Variants in LOC112694756 observed in about 807,000 individuals in gnomAD.
chr16:30,065,746 GCCGCCTTCCGCCTGCCCGCCTCCT>G, the LOC112694756 span: 4 of 152,552 alleles, frequency 2.6e-5, no homozygotes, highest in Non-Finnish European at 5.9e-5. Flanking sequence ...AAGGCCGGGC[GCCGCCTTCCGCCTGCCCGCCTCCT>G]GCGCCGCCCC....
the LOC112694756 span, among the ~76,000 whole-genome samples, chr16:30,060,633 T>G: frequency 1.3e-5 from 2 of 152,110 alleles, no homozygotes; most frequent in Non-Finnish European, 2.9e-5. Flanking sequence ...TTTAATACCC[T>G]CTTTTCTGAG....
the LOC112694756 span, among the ~76,000 whole-genome samples, chr16:30,060,013 C>G: frequency 6.6e-6 from 1 of 151,926 alleles, no homozygotes; most frequent in African/African-American, 2.4e-5. Context: ...GAGTCTCACT[C>G]TGTTGCCCAG....
At chr16:30,056,910 C>G in the LOC112694756 span, among the ~76,000 whole-genome samples, 1 of 150,300 alleles carries the variant, frequency 6.7e-6, no homozygotes, top group Non-Finnish European at 1.5e-5. Context: ...CTCTACTTGC[C>G]CTTTTTTTTT....
chr16:30,064,232 C>CT, the LOC112694756 span: 1 of 395,088 alleles, frequency 2.5e-6, no homozygotes, highest in African/African-American at 2.1e-5. Flanking sequence ...TCCACGGACT[C>CT]TCCGTTATTT....
chr16:30,056,097 C>G, the LOC112694756 span, among the ~76,000 whole-genome samples: 1 of 148,014 alleles, frequency 6.8e-6, no homozygotes, highest in South Asian at 2.1e-4. Context: ...CACCATGGCC[C>G]AGCCATGGTT....
chr16:30,067,804 A>T, the LOC112694756 span: 1 of 895,182 alleles, frequency 1.1e-6, no homozygotes, highest in Non-Finnish European at 1.8e-6. Context: ...TTTACTCGAC[A>T]TTTTTAATCC....
chr16:30,062,307 GT>G, the LOC112694756 span, among the ~76,000 whole-genome samples: 4 of 152,122 alleles, frequency 2.6e-5, no homozygotes, highest in African/African-American at 4.8e-5. Context: ...ACCAAGGTGG[GT>G]TTAGCCCAGG....
At chr16:30,058,134 C>T in the LOC112694756 span, among the ~76,000 whole-genome samples, 1 of 152,134 alleles carries the variant, frequency 6.6e-6, no homozygotes, top group African/African-American at 2.4e-5. Context: ...CCACCTTCCC[C>T]ACAGAGGGCT....
the LOC112694756 span, among the ~76,000 whole-genome samples, chr16:30,059,445 G>C: frequency 3.9e-4 from 59 of 151,950 alleles, no homozygotes; most frequent in African/African-American, 1.4e-3. Context: ...CTTGCAGTGA[G>C]CCGAGATCGT....
At chr16:30,069,380 G>T in the LOC112694756 span, 1 of 1,614,166 alleles carries the variant, frequency 6.2e-7, no homozygotes, top group South Asian at 1.1e-5. Flanking sequence ...GCCAGTATGT[G>T]ACCGAGAAGG....
chr16:30,068,582 G>T, the LOC112694756 span: 2 of 1,566,320 alleles, frequency 1.3e-6, no homozygotes, highest in South Asian at 2.2e-5. Flanking sequence ...CAGCCGGGGC[G>T]ACAGTGGAAA....
the LOC112694756 span, chr16:30,069,367 G>A: frequency 1.1e-4 from 185 of 1,614,158 alleles, no homozygotes; most frequent in Non-Finnish European, 1.4e-4. Flanking sequence ...GACTTGAAGC[G>A]CTGCCAGTAT....
the LOC112694756 span, chr16:30,068,489 G>A: frequency 1.2e-6 from 1 of 810,158 alleles, no homozygotes; most frequent in South Asian, 1.4e-5. Context: ...GGCACGCCCA[G>A]CTACCTAGGA....
the LOC112694756 span, chr16:30,064,134 G>T: frequency 5.1e-6 from 2 of 395,782 alleles, no homozygotes; most frequent in South Asian, 1.3e-4. Flanking sequence ...TTGGGCAGGG[G>T]GGTGGCGCTG....
the LOC112694756 span, chr16:30,068,621 A>C: frequency 6.2e-7 from 1 of 1,613,638 alleles, no homozygotes; most frequent in Admixed American, 1.7e-5. Context: ...CCTGTGTCTT[A>C]ATGTTGTTAC....
chr16:30,064,706 C>A, the LOC112694756 span: 1 of 370,350 alleles, frequency 2.7e-6, no homozygotes, highest in Non-Finnish European at 4.8e-6. Context: ...CGGGCAGGAG[C>A]TGCCTTATAA....
the LOC112694756 span, chr16:30,055,093 C>T: frequency 2.5e-6 from 1 of 399,002 alleles, no homozygotes; most frequent in South Asian, 1.3e-4. Context: ...CCAGCCAAAC[C>T]TTTTCCTTTC....
chr16:30,067,608 G>A, the LOC112694756 span: 1 of 1,614,132 alleles, frequency 6.2e-7, no homozygotes, highest in African/African-American at 1.3e-5. Context: ...GGCGGATGAT[G>A]GGCGTCCCTT....
chr16:30,068,359 C>A, the LOC112694756 span: 1 of 424,822 alleles, frequency 2.4e-6, no homozygotes, highest in South Asian at 2.0e-5. Flanking sequence ...CCACCATGCC[C>A]GGCTTAAGTA....
Sources: allele counts gnomAD v4.1 joint callset (sites outside exome capture counted in the v4.1 genomes callset), GRCh38; gene constraint gnomAD v4.1.1; transcripts MANE v1.5.